NAF1: variants seen among roughly 807,000 people sequenced by gnomAD.
NAF1 encodes nuclear assembly factor 1 ribonucleoprotein.
Under a neutral mutation model 40.6 loss-of-function variants are expected in NAF1, and 11 were observed. The observed-to-expected ratio is 0.27, with a 90% confidence interval of 0.17 to 0.45. NAF1 has a LOEUF of 0.45. Ranked by LOEUF, NAF1 falls within the 20% of genes least tolerant of loss-of-function variation. NAF1 has a pLI of 1.00. For missense variants in NAF1, 607 were observed against 611.1 expected (o/e 0.99, Z 0.07); for synonymous variants, 260 against 228.5 (o/e 1.14, Z -1.24).
intron 6 of NAF1, among the ~76,000 whole-genome samples, chr4:163,136,976 T>C (rs2110915060): frequency 6.6e-6 from 1 of 152,304 alleles, no homozygotes; most frequent in Middle Eastern, 3.4e-3. Flanking sequence ...CAACTAAATG[T>C]AACTGAAAAA....
At chr4:163,154,890 C>CAAAA (rs5863601) in intron 2 of NAF1, among the ~76,000 whole-genome samples, 1 of 141,528 alleles carries the variant, frequency 7.1e-6, no homozygotes, top group Non-Finnish European at 1.5e-5. Flanking sequence ...AAAACAAAAA[C>CAAAA]AAAAAAAAAA....
At chr4:163,110,396 G>T in intron 2 of NAF1, 1 of 632,882 alleles carries the variant, frequency 1.6e-6, no homozygotes, top group Admixed American at 2.5e-5. Flanking sequence ...ATTATTAGTT[G>T]TTGTTAATCT....
chr4:163,109,004 T>C (rs1429111181), downstream of NAF1: 1 of 152,184 alleles, frequency 6.6e-6, no homozygotes, highest in Non-Finnish European at 1.5e-5. Context: ...TATTCCGTCC[T>C]TTCTCTTCCT....
rs533782306 is a variant in NAF1, at chr4:163,132,032, A to G, written c.1033+1122T>C. 7.9e-5 allele frequency among the ~76,000 whole-genome samples: 12 copies of G among 152,346 alleles called. No homozygotes were observed. In the East Asian group the frequency reaches 1.7e-3, roughly 22 times the overall value. On this transcript the variant is annotated intron_variant, in intron 7 of 7. Coordinates refer to ENST00000274054, the MANE Select transcript of NAF1 (RefSeq NM_138386.3). ...ATTATATTAGCACTACAAACCTAGC[A>G]GAATGGCCAAAATTAAAAACAGTGA... is the stretch of plus-strand genomic sequence containing the variant.
intron 1 of NAF1, among the ~76,000 whole-genome samples, chr4:163,165,852 A>G (rs1268882158): frequency 6.6e-6 from 1 of 152,174 alleles, no homozygotes. Flanking sequence ...CTACTTTCAT[A>G]AACACGTGTT....
Position 163,166,751 on chromosome 4 carries a change from G to C in NAF1, c.-24C>G, listed in dbSNP as rs764758495. 2 of 1,612,566 alleles carry C rather than the reference G, an allele frequency of 1.2e-6. No individual in the cohort carries two copies. Among genetic ancestry groups the C allele is most frequent in the South Asian group, 1.1e-5 (1 of 90,850 alleles). ...ATCGCACCGCGCCAGAAACCGGGTC[G>C]GCCTCAGGATTGGGGCCCCTGGACA... On this transcript the variant is annotated 5_prime_UTR_variant, in exon 1 of 8. Coordinates refer to ENST00000274054, the MANE Select transcript of NAF1 (RefSeq NM_138386.3).
chr4:163,132,213 TG>T (rs1426580400), intron 7 of NAF1, among the ~76,000 whole-genome samples: 1 of 152,216 alleles, frequency 6.6e-6, no homozygotes, highest in Non-Finnish European at 1.5e-5. Context: ...ATTATACTCT[TG>T]GGCATTTATT....
downstream of NAF1, among the ~76,000 whole-genome samples, chr4:163,127,807 C>G (rs115091451): frequency 7.8e-4 from 118 of 152,256 alleles, no homozygotes; most frequent in African/African-American, 2.8e-3. Flanking sequence ...GCTAAGTGGT[C>G]TCCAGATTAC....
downstream of NAF1, chr4:163,127,162 C>A: frequency 6.5e-7 from 1 of 1,533,854 alleles, no homozygotes; most frequent in Non-Finnish European, 8.8e-7. Flanking sequence ...TGGAGTCTTG[C>A]TCTGCCACCC....
chr4:163,126,611 T>C (rs75565615), downstream of NAF1: 699 of 158,384 alleles, frequency 4.4e-3, 8 homozygotes, highest in African/African-American at 0.015. Flanking sequence ...GTTGAAATGA[T>C]AACAAAGGAC....
intron 7 of NAF1, among the ~76,000 whole-genome samples, chr4:163,130,013 CT>C (rs1730808875): frequency 1.3e-5 from 2 of 152,156 alleles, no homozygotes; most frequent in South Asian, 4.1e-4. Context: ...CAAGGCACCC[CT>C]TGGCCAAAGG....
At chr4:163,145,651 T>C in intron 4 of NAF1, 131 bp downstream of exon 4, 2 of 623,170 alleles carry the variant, frequency 3.2e-6, no homozygotes, top group South Asian at 4.2e-5. Flanking sequence ...ATCAAGAACG[T>C]ACTGAAATTA....
intron 2 of NAF1, among the ~76,000 whole-genome samples, chr4:163,114,820 A>T (rs758238353): frequency 6.6e-5 from 10 of 152,164 alleles, no homozygotes; most frequent in Admixed American, 1.3e-4. Context: ...ATTTAGTAAA[A>T]TTCACTGGTA....
chr4:163,124,775 C>T (rs537903787), downstream of NAF1, among the ~76,000 whole-genome samples: 2 of 152,278 alleles, frequency 1.3e-5, no homozygotes, highest in African/African-American at 4.8e-5. Context: ...AGATAGTAAA[C>T]ATCCAGTCAG....
chr4:163,140,134 T>C (rs1003657086), intron 5 of NAF1, 89 bp downstream of exon 5: 1 of 1,086,604 alleles, frequency 9.2e-7, no homozygotes, highest in Non-Finnish European at 1.3e-6. Context: ...ACACACACAA[T>C]ATAACTGTAA....
intron 1 of NAF1, 26 bp from the exon 2 acceptor site, chr4:163,164,417 AAT>A (rs758349304): frequency 2.0e-6 from 3 of 1,465,628 alleles, no homozygotes; most frequent in Middle Eastern, 3.5e-4. Context: ...CAGTTAAAAA[AAT>A]AGTCCAGTAT....
intron 4 of NAF1, chr4:163,143,959 C>A: frequency 1.1e-6 from 1 of 870,710 alleles, no homozygotes; most frequent in South Asian, 5.3e-5. Flanking sequence ...GTGTGTATTA[C>A]TGTATCATAA....
At chr4:163,110,960 C>T (rs747622676) in intron 2 of NAF1, among the ~76,000 whole-genome samples, 7 of 152,074 alleles carry the variant, frequency 4.6e-5, no homozygotes, top group Non-Finnish European at 4.4e-5. Context: ...AATTGTATTC[C>T]TTTTCACATA....
intron 2 of NAF1, chr4:163,117,321 T>C (rs1043839528): frequency 6.6e-6 from 1 of 152,182 alleles, no homozygotes; most frequent in Non-Finnish European, 1.5e-5. Flanking sequence ...TTTTCTAATA[T>C]TGCACTTAGG....
Sources: allele counts gnomAD v4.1 joint callset (sites outside exome capture counted in the v4.1 genomes callset), GRCh38; gene constraint gnomAD v4.1.1; transcripts MANE v1.5; gene names NCBI Gene and HGNC (gene_info 2026-07-23, HGNC 2026-07-21).